The following TOM1L1 variants were observed in gnomAD, a reference collection of about 807,000 sequenced individuals.
TOM1L1 encodes TOM1-like protein 1.
Under a neutral mutation model 63.4 loss-of-function variants are expected in TOM1L1, and 64 were observed. The ratio of observed to expected loss-of-function variants is 1.01; its 90% CI spans 0.83 to 1.24. The LOEUF is 1.24. TOM1L1 is among the 50% of genes most tolerant of loss of function. TOM1L1 has a pLI of 0.00. For missense variants in TOM1L1, 536 were observed against 567.0 expected (o/e 0.95, Z 0.55); for synonymous variants, 166 against 194.4 (o/e 0.85, Z 1.22).
At chr17:54,959,036 A>G (rs1442037837) in intron 14 of TOM1L1, among the ~76,000 whole-genome samples, 1 of 152,234 alleles carries the variant, frequency 6.6e-6, no homozygotes, top group Non-Finnish European at 1.5e-5. Context: ...AAGTTTCCAT[A>G]TCAAGACATT....
intron 14 of TOM1L1, among the ~76,000 whole-genome samples, chr17:54,956,155 A>T (rs533847093): frequency 6.6e-6 from 1 of 152,136 alleles, no homozygotes; most frequent in South Asian, 2.1e-4. Flanking sequence ...GGTTATTATT[A>T]TTTTTTCTTG....
At chr17:54,926,307 G>A (rs2048768280) in intron 7 of TOM1L1, among the ~76,000 whole-genome samples, 1 of 152,156 alleles carries the variant, frequency 6.6e-6, no homozygotes, top group African/African-American at 2.4e-5. Context: ...GTGTTGTGAT[G>A]AGTTAAAGGC....
intron 3 of TOM1L1, among the ~76,000 whole-genome samples, chr17:54,909,261 A>G (rs1815917384): frequency 6.6e-6 from 1 of 152,186 alleles, no homozygotes; most frequent in South Asian, 2.1e-4. Flanking sequence ...TCTGTATCCA[A>G]GCAAAACAAA....
At chr17:54,920,247 G>A (rs1397204330) in intron 7 of TOM1L1, among the ~76,000 whole-genome samples, 1 of 152,024 alleles carries the variant, frequency 6.6e-6, no homozygotes, top group African/African-American at 2.4e-5. Context: ...GGTCAGTGAG[G>A]GCCCACGGGC....
intron 8 of TOM1L1, among the ~76,000 whole-genome samples, chr17:54,933,303 T>C (rs993690771): frequency 1.3e-5 from 2 of 152,248 alleles, no homozygotes. Context: ...TGCCTCTCTC[T>C]TCCACCTTTA....
intron 1 of TOM1L1, among the ~76,000 whole-genome samples, chr17:54,902,347 G>A (rs1332005612): frequency 2.0e-5 from 3 of 152,134 alleles, no homozygotes; most frequent in Non-Finnish European, 4.4e-5. Context: ...AGGCTGGAGT[G>A]CAGTAGCTCT....
intron 7 of TOM1L1, among the ~76,000 whole-genome samples, chr17:54,923,699 C>T (rs2048720154): frequency 6.6e-6 from 1 of 151,932 alleles, no homozygotes; most frequent in Non-Finnish European, 1.5e-5. Context: ...GTGCCTGCCA[C>T]CATGCCTGGC....
intron 11 of TOM1L1, among the ~76,000 whole-genome samples, chr17:54,939,904 T>C (rs983195845): frequency 1.3e-5 from 2 of 152,152 alleles, no homozygotes; most frequent in Admixed American, 1.3e-4. Flanking sequence ...CATTTCTCTA[T>C]TGAAGGAACT....
At chr17:54,902,139 C>T (rs544957086) in intron 1 of TOM1L1, among the ~76,000 whole-genome samples, 1 of 152,286 alleles carries the variant, frequency 6.6e-6, no homozygotes, top group South Asian at 2.1e-4. Context: ...TGTGTGGCAC[C>T]TTTGCAATGC....
rs138223078 is a variant in TOM1L1, at chr17:54,927,871, A to G, written c.721-2202A>G. 6.4e-3 allele frequency among the ~76,000 whole-genome samples: 970 copies of G among 152,026 alleles called. 7 individuals are homozygous for G. The highest frequency in any genetic ancestry group is 9.3e-3 in the Non-Finnish European group (630 of 67,988). ...GTTTGCAGACCTGTTGAGATGTGCT[A>G]CTCCTTTCATGTTTCCATTCCATCT... On this transcript the variant is annotated intron_variant, in intron 7 of 15. Transcript: ENST00000575882.
chr17:54,928,748 GA>G (rs1319206651), intron 7 of TOM1L1, among the ~76,000 whole-genome samples: 7 of 152,270 alleles, frequency 4.6e-5, no homozygotes, highest in Non-Finnish European at 5.9e-5. Context: ...TGGCAAATAG[GA>G]TGGTTTTTCT....
chr17:54,960,842 G>C (rs1318819655), intron 15 of TOM1L1, among the ~76,000 whole-genome samples: 1 of 152,206 alleles, frequency 6.6e-6, no homozygotes, highest in South Asian at 2.1e-4. Context: ...GTAAGGCTTG[G>C]GAATACAGTA....
chr17:54,914,457 C>T (rs1350245341), intron 5 of TOM1L1, among the ~76,000 whole-genome samples, 182 bp from the exon 6 acceptor site: 2 of 151,826 alleles, frequency 1.3e-5, no homozygotes, highest in Non-Finnish European at 2.9e-5. Flanking sequence ...TTATTATGGG[C>T]ATGTCATTTG....
intron 1 of TOM1L1, among the ~76,000 whole-genome samples, chr17:54,902,124 A>G (rs954494586): frequency 2.0e-5 from 3 of 152,220 alleles, no homozygotes; most frequent in Non-Finnish European, 1.5e-5. Context: ...AGACGGGCAC[A>G]GTTTTGTGTG....
chr17:54,913,392 G>A (rs2048526452), intron 4 of TOM1L1, among the ~76,000 whole-genome samples: 1 of 152,116 alleles, frequency 6.6e-6, no homozygotes, highest in Non-Finnish European at 1.5e-5. Flanking sequence ...TCGGCTGGGT[G>A]CGGTGGCTCA....
intron 9 of TOM1L1, 78 bp from the exon 10 acceptor site, chr17:54,937,031 C>T (rs1270801773): frequency 8.1e-7 from 1 of 1,228,408 alleles, no homozygotes; most frequent in Non-Finnish European, 1.2e-6. Flanking sequence ...GGATCCTCCC[C>T]TCTACAAAGG....
chr17:54,925,581 C>A (rs1266681961), intron 7 of TOM1L1, among the ~76,000 whole-genome samples: 1 of 152,150 alleles, frequency 6.6e-6, no homozygotes, highest in African/African-American at 2.4e-5. Context: ...TCACCAGTGA[C>A]CACAGTCTTA....
chr17:54,902,875 T>G (rs1163171911), intron 1 of TOM1L1, among the ~76,000 whole-genome samples: 1 of 152,222 alleles, frequency 6.6e-6, no homozygotes, highest in African/African-American at 2.4e-5. Flanking sequence ...TGCAGAAGCA[T>G]TCTGGTCAGC....
intron 7 of TOM1L1, among the ~76,000 whole-genome samples, chr17:54,929,729 T>TA (rs1185809394): frequency 2.1e-5 from 3 of 142,954 alleles, no homozygotes; most frequent in African/African-American, 7.7e-5. Context: ...AACTGAGATT[T>TA]AAAAAACATG....
Sources: gnomAD v4.1 joint callset for allele counts (sites outside exome capture counted in the v4.1 genomes callset) on GRCh38, gnomAD v4.1.1 for gene constraint, MANE v1.5 for transcripts, NCBI Gene and HGNC (gene_info 2026-07-23, HGNC 2026-07-21) for gene names.